PASD1: variants seen among roughly 807,000 people sequenced by gnomAD.
PASD1 encodes PAS domain containing repressor 1.
A neutral mutation model predicts 58.8 loss-of-function variants in PASD1; 13 were observed. The ratio of observed to expected loss-of-function variants is 0.22; its 90% CI spans 0.14 to 0.35. The LOEUF is 0.35. Among genes scored for constraint, PASD1 ranks in the 10% least tolerant of loss-of-function variants. The probability of loss-of-function intolerance (pLI) is 1.00; values close to 1 mark genes in which losing one functional copy is unlikely to be tolerated. For missense variants in PASD1, 734 were observed against 568.3 expected (o/e 1.29, Z -2.96); for synonymous variants, 236 against 216.7 (o/e 1.09, Z -0.78).
intron 15 of PASD1, 78 bp downstream of exon 15, chrX:151,674,264 C>A (rs2014516828): frequency 5.3e-6 from 6 of 1,130,212 alleles, no homozygotes; most frequent in Non-Finnish European, 7.2e-6. Context: ...AGGCACACAC[C>A]CCAAGTGCAT....
intron 1 of PASD1, among the ~76,000 whole-genome samples, chrX:151,587,632 A>G (rs1375737899): frequency 1.8e-5 from 2 of 111,181 alleles, no homozygotes; most frequent in African/African-American, 3.3e-5. Flanking sequence ...GTCAGGGTCT[A>G]TGCTTGTGCA....
At chrX:151,662,560 G>T (rs944281646) in intron 10 of PASD1, among the ~76,000 whole-genome samples, 1 of 111,180 alleles carries the variant, frequency 9.0e-6, no homozygotes, top group African/African-American at 3.3e-5. Context: ...GACTAGGAAA[G>T]ATGTCTATTC....
chrX:151,603,733 A>G (rs1375824610), intron 2 of PASD1, among the ~76,000 whole-genome samples: 10 of 111,172 alleles, frequency 9.0e-5, no homozygotes, highest in African/African-American at 3.3e-4. Flanking sequence ...TCATTCCCTC[A>G]TCAGTGAGGG....
intron 1 of PASD1, among the ~76,000 whole-genome samples, chrX:151,597,285 G>C (rs925899388): frequency 8.9e-6 from 1 of 111,875 alleles, no homozygotes; most frequent in African/African-American, 3.2e-5. Flanking sequence ...AAATCATCAG[G>C]TTTTGTTTAG....
At chrX:151,646,100 G>A (rs941598478) in intron 8 of PASD1, among the ~76,000 whole-genome samples, 2 of 109,989 alleles carry the variant, frequency 1.8e-5, no homozygotes, top group African/African-American at 6.6e-5. Context: ...TCTAGAGATG[G>A]GATCTCACTG....
At chrX:151,620,264 G>A (rs948527564) in intron 4 of PASD1, among the ~76,000 whole-genome samples, 6 of 111,585 alleles carry the variant, frequency 5.4e-5, no homozygotes, top group South Asian at 3.7e-4. Context: ...GTGTGGGGTA[G>A]GGTGAGACTT....
chrX:151,662,032 T>C (rs1424598943), intron 10 of PASD1, among the ~76,000 whole-genome samples: 2 of 112,586 alleles, frequency 1.8e-5, no homozygotes, highest in African/African-American at 6.4e-5. Flanking sequence ...GGGAGCTACA[T>C]TGAGAACATG....
At chrX:151,632,718 A>G (rs2013883578) in intron 8 of PASD1, among the ~76,000 whole-genome samples, 1 of 111,959 alleles carries the variant, frequency 8.9e-6, no homozygotes, top group South Asian at 3.7e-4. Flanking sequence ...TTTTAAAACA[A>G]CATAAAATTA....
chrX:151,599,771 A>T (rs1360926878), intron 1 of PASD1, among the ~76,000 whole-genome samples: 1 of 104,790 alleles, frequency 9.5e-6, no homozygotes, highest in Non-Finnish European at 2.0e-5. Flanking sequence ...GGCGCTCCTC[A>T]CTTCCCAGAC....
At chrX:151,594,253 G>A (rs962482465) in intron 1 of PASD1, among the ~76,000 whole-genome samples, 7 of 111,704 alleles carry the variant, frequency 6.3e-5, no homozygotes, top group Admixed American at 3.8e-4. Flanking sequence ...GATTACAGGC[G>A]TGAGCCACCG....
chrX:151,671,920 G>A, intron 13 of PASD1, 141 bp downstream of exon 13: 1 of 758,921 alleles, frequency 1.3e-6, no homozygotes, highest in East Asian at 3.4e-5. Context: ...AAAATCCTGG[G>A]CTACCTAGAC....
chrX:151,617,112 T>C (rs1418512720), intron 4 of PASD1, among the ~76,000 whole-genome samples: 1 of 111,726 alleles, frequency 9.0e-6, no homozygotes, highest in African/African-American at 3.2e-5. Flanking sequence ...AAACTTGGCT[T>C]TTGAAAAACC....
rs766042634 is a variant in PASD1 at position 151,672,516 on chromosome X, C to T, written c.1771C>T (p.Arg591Cys). The T allele has an allele frequency of 1.1e-5, 13 of 1,211,767 alleles. No individual in the cohort carries two copies. The highest frequency in any genetic ancestry group is 1.7e-5 in the African/African-American group (1 of 57,780). Residue 591 changes from arginine to cysteine, a missense_variant, in exon 14 of 16, where the codon CGT (arginine) becomes TGT (cysteine). Physicochemically the swap from Arg to Cys is radical, Grantham distance 180. Transcript: ENST00000370357. Reference sequence around the variant, plus strand: ...GGTGCAGATATGCCTGCAAAACCCACGTGACGTATCTGTGCCCCTCTGCAA... The same window carrying T: ...GGTGCAGATATGCCTGCAAAACCCATGTGACGTATCTGTGCCCCTCTGCAA... ...ERVQICLQNP[R>C]DVSVPLCNHP...
At chrX:151,641,728 G>C (rs2013999149) in intron 8 of PASD1, among the ~76,000 whole-genome samples, 1 of 110,062 alleles carries the variant, frequency 9.1e-6, no homozygotes. Flanking sequence ...AGAGGAGAAG[G>C]GTACATTATT....
At chrX:151,655,993 A>T (rs1266867824) in intron 9 of PASD1, among the ~76,000 whole-genome samples, 1 of 112,048 alleles carries the variant, frequency 8.9e-6, no homozygotes, top group African/African-American at 3.3e-5. Flanking sequence ...TTTAGGTCTA[A>T]CGTTTAAGTA....
In PASD1 at chrX:151,604,838, G is replaced by T. The variant is rs1034248818; in HGVS notation, c.117+104G>T. The T allele has an allele frequency of 9.9e-6, 6 of 604,616 alleles. No individual in the cohort carries two copies. In the African/African-American group the frequency reaches 1.1e-4, roughly 11 times the overall value. The allele number at this position is 604,616 out of a possible 1,213,427, so 49.8% of individuals were successfully genotyped here. A position where few individuals can be genotyped will look rare whatever the true frequency, so the allele number is the denominator to read the frequency against. On this transcript the variant is annotated intron_variant, in intron 3 of 15. Transcript: ENST00000370357. ...TGTGATTAGGAGATCATATGCATTA[G>T]AATCAACCAGGGAGCTTGATAACTT... is the stretch of plus-strand genomic sequence containing the variant.
intron 6 of PASD1, among the ~76,000 whole-genome samples, chrX:151,622,528 T>A (rs2013725966): frequency 9.1e-6 from 1 of 109,375 alleles, no homozygotes; most frequent in Admixed American, 9.9e-5. Flanking sequence ...GTCATGATTC[T>A]TGGAAATTAA....
chrX:151,613,017 G>T (rs973685818), intron 4 of PASD1, among the ~76,000 whole-genome samples: 2 of 111,888 alleles, frequency 1.8e-5, no homozygotes, highest in Non-Finnish European at 3.8e-5. Flanking sequence ...AAGCGATCCA[G>T]TTTCAGCTTT....
chrX:151,603,389 A>T (rs1168695836), intron 2 of PASD1, among the ~76,000 whole-genome samples: 1 of 112,593 alleles, frequency 8.9e-6, no homozygotes, highest in Non-Finnish European at 1.9e-5. Flanking sequence ...CATGGGTAAT[A>T]GTAAAGTAGA....
Sources: allele counts gnomAD v4.1 joint callset (sites outside exome capture counted in the v4.1 genomes callset), GRCh38; gene constraint gnomAD v4.1.1; transcripts MANE v1.5; gene names NCBI Gene and HGNC (gene_info 2026-07-23, HGNC 2026-07-21).